The following LEPR variants were observed in gnomAD, a reference collection of about 807,000 sequenced individuals.
LEPR encodes the protein OB receptor.
LEPR carries 56 observed loss-of-function variants against 114.7 expected under a neutral mutation model. That is an observed-to-expected ratio of 0.49 (90% CI 0.39 to 0.61). The LOEUF (loss-of-function observed/expected upper bound fraction) is 0.61, where lower values mean the gene tolerates loss of function less well. Among genes scored for constraint, LEPR ranks in the 20% least tolerant of loss-of-function variants. LEPR has a pLI of 0.00. For missense variants in LEPR, 1,202 were observed against 1,352.9 expected, an observed-to-expected ratio of 0.89 and a Z score of 1.75; for synonymous variants, 443 against 461.4, an observed-to-expected ratio of 0.96 and a Z score of 0.51.
intron 2 of LEPR, among the ~76,000 whole-genome samples, chr1:65,523,607 G>A (rs140635311): frequency 5.9e-5 from 9 of 152,158 alleles, no homozygotes; most frequent in East Asian, 3.9e-4. Context: ...CACCATGCCC[G>A]GCGATACTTA....
chr1:65,483,157 A>G (rs1034421767), intron 2 of LEPR, among the ~76,000 whole-genome samples: 3 of 151,898 alleles, frequency 2.0e-5, no homozygotes, highest in Non-Finnish European at 2.9e-5. Context: ...GAGACACTGT[A>G]AGGACAGCAG....
chr1:65,472,178 C>G (rs1410306655), intron 2 of LEPR, among the ~76,000 whole-genome samples: 1 of 151,004 alleles, frequency 6.6e-6, no homozygotes, highest in Admixed American at 6.6e-5. Context: ...GAAGGTATTA[C>G]CAAACATCCG....
intron 5 of LEPR, among the ~76,000 whole-genome samples, chr1:65,575,878 C>T (rs1051993219): frequency 2.0e-5 from 3 of 151,372 alleles, no homozygotes; most frequent in Non-Finnish European, 4.4e-5. Flanking sequence ...CAGAAATGAC[C>T]TCAGTGCCTT....
At chr1:65,598,915 C>A in intron 8 of LEPR, 111 bp downstream of exon 8, 1 of 1,493,464 alleles carries the variant, frequency 6.7e-7, no homozygotes, top group Non-Finnish European at 9.1e-7. Flanking sequence ...AGGAGGAACA[C>A]AGTATCAACT....
intron 2 of LEPR, among the ~76,000 whole-genome samples, chr1:65,462,465 T>C (rs143359990): frequency 0.022 from 3,316 of 152,330 alleles, 143 homozygotes; most frequent in African/African-American, 0.076. Context: ...AACATACATG[T>C]GCATGTGTCT....
At chr1:65,614,542 C>T (rs1657406081) in intron 14 of LEPR, among the ~76,000 whole-genome samples, 1 of 152,122 alleles carries the variant, frequency 6.6e-6, no homozygotes, top group Non-Finnish European at 1.5e-5. Flanking sequence ...ATACAGTTCT[C>T]ACAGGGCTAT....
chr1:65,441,941 G>A (rs1646655339), intron 2 of LEPR, among the ~76,000 whole-genome samples: 1 of 152,158 alleles, frequency 6.6e-6, no homozygotes, highest in African/African-American at 2.4e-5. Context: ...GTTCACTGTG[G>A]TGTTCAGGTA....
chr1:65,509,601 A>G (rs962709961), intron 2 of LEPR, among the ~76,000 whole-genome samples: 3 of 152,162 alleles, frequency 2.0e-5, no homozygotes, highest in African/African-American at 7.2e-5. Flanking sequence ...GCGTATGTTT[A>G]TCACAGTTTA....
chr1:65,512,497 G>A (rs564659573), intron 2 of LEPR, among the ~76,000 whole-genome samples: 10 of 152,270 alleles, frequency 6.6e-5, no homozygotes, highest in East Asian at 5.8e-4. Context: ...ATGTTGCTGC[G>A]CCTTCACCCA....
At position 65,610,029 on chromosome 1, in the gene LEPR, G is replaced by C; in HGVS notation, c.1835G>C (p.Arg612Pro). 6.2e-7 allele frequency: 1 copy of C among 1,614,184 alleles called. No individual in the cohort carries two copies. Among genetic ancestry groups the C allele is most frequent in the South Asian group, 1.1e-5 (1 of 91,086 alleles). Reference protein sequence around the residue: ...DLCAVYAVQVRCKRLDGLGYW... With the variant: ...DLCAVYAVQVPCKRLDGLGYW... The stretch of plus-strand genomic sequence containing the variant: ...TGTGCAGTCTATGCTGTTCAGGTGC[G>C]CTGTAAGAGGCTAGATGGACTGGGA... Residue 612 changes from arginine to proline, a missense_variant, in exon 13 of 20, where the codon CGC (arginine) becomes CCC (proline). By Grantham distance (103) the Arg-to-Pro change is moderately radical. Transcript: ENST00000349533.
intron 2 of LEPR, among the ~76,000 whole-genome samples, chr1:65,501,709 C>T (rs559469639): frequency 7.0e-4 from 107 of 152,044 alleles, no homozygotes; most frequent in African/African-American, 2.3e-3. Context: ...ATTTCTTAGG[C>T]TCCCTTCTCT....
Position 65,610,284 on chromosome 1 carries a change from T to G in LEPR, c.1983T>G (p.Thr661=). ...GDTMKKEKNV[T]LLWKPLMKND... Reference sequence around the variant, plus strand: ...CTATGAAAAAGGAGAAAAATGTCACTTTACTTTGGAAGGTATTCCCAATTT... The same window carrying G: ...CTATGAAAAAGGAGAAAAATGTCACGTTACTTTGGAAGGTATTCCCAATTT... Residue 661 remains threonine, a synonymous_variant, in exon 14 of 20, where the codon ACT becomes ACG. Coordinates refer to ENST00000349533, the MANE Select transcript of LEPR (RefSeq NM_002303.6). 6.2e-7 allele frequency: 1 copy of G among 1,612,396 alleles called. No individual in the cohort carries two copies. The highest frequency in any genetic ancestry group is 1.3e-5 in the African/African-American group (1 of 75,008).
At chr1:65,628,190 A>G (rs1350446193) in intron 19 of LEPR, among the ~76,000 whole-genome samples, 2 of 152,170 alleles carry the variant, frequency 1.3e-5, no homozygotes, top group African/African-American at 4.8e-5. Context: ...TTTTGCCAAT[A>G]TAATTTCCTG....
intron 2 of LEPR, among the ~76,000 whole-genome samples, chr1:65,447,534 CTT>C (rs576747673): frequency 3.2e-4 from 44 of 135,504 alleles, no homozygotes; most frequent in Non-Finnish European, 4.0e-4. Flanking sequence ...TTTTTCTTTT[CTT>C]TTTTTTTTTT....
intron 5 of LEPR, 90 bp downstream of exon 5, chr1:65,572,539 A>G (rs1014702016): frequency 1.6e-6 from 2 of 1,269,084 alleles, no homozygotes; most frequent in African/African-American, 1.5e-5. Context: ...AACCTCTTGC[A>G]TCCCTACATT....
intron 2 of LEPR, among the ~76,000 whole-genome samples, chr1:65,556,924 G>T (rs1164664229): frequency 6.6e-6 from 1 of 152,170 alleles, no homozygotes; most frequent in Non-Finnish European, 1.5e-5. Flanking sequence ...TGTGACTACT[G>T]TGTTAGAGAG....
chr1:65,605,335 A>G (rs1656741596), intron 11 of LEPR, 98 bp downstream of exon 11: 3 of 1,473,860 alleles, frequency 2.0e-6, no homozygotes, highest in Non-Finnish European at 2.8e-6. Flanking sequence ...TGATCACATT[A>G]GATTTTGAAA....
At chr1:65,609,662 G>T (rs891317643) in intron 12 of LEPR, among the ~76,000 whole-genome samples, 2 of 152,188 alleles carry the variant, frequency 1.3e-5, no homozygotes, top group Non-Finnish European at 2.9e-5. Context: ...AGTGGACAGG[G>T]ATTAGTAGGA....
chr1:65,479,985 A>T (rs1647202472), intron 2 of LEPR, among the ~76,000 whole-genome samples: 1 of 152,222 alleles, frequency 6.6e-6, no homozygotes, highest in Admixed American at 6.5e-5. Flanking sequence ...AAACGTGTTA[A>T]CCCATGAAAA....
Sources: allele counts gnomAD v4.1 joint callset (sites outside exome capture counted in the v4.1 genomes callset), GRCh38; gene constraint gnomAD v4.1.1; transcripts MANE v1.5; gene names NCBI Gene and HGNC (gene_info 2026-07-23, HGNC 2026-07-21).